The following TPM1 variants were observed in gnomAD, a reference collection of about 807,000 sequenced individuals.
TPM1 encodes the protein tropomyosin 1.
Under a neutral mutation model 42.9 loss-of-function variants are expected in TPM1, and 24 were observed. That is an observed-to-expected ratio of 0.56 (90% CI 0.41 to 0.79). The LOEUF (loss-of-function observed/expected upper bound fraction) is 0.79, where lower values mean the gene tolerates loss of function less well. Among genes scored for constraint, TPM1 ranks in the 30% least tolerant of loss-of-function variants. The pLI is 0.00. For synonymous variants in TPM1, 136 were observed against 130.1 expected (o/e 1.05, Z -0.31); for missense variants, 158 against 351.8 (o/e 0.45, Z 4.41).
At chr15:63,061,991 T>C in intron 6 of TPM1, 1 of 669,932 alleles carries the variant, frequency 1.5e-6, no homozygotes. Flanking sequence ...TCAATTTAAT[T>C]TAAACCAAGT....
At chr15:63,061,831 G>A (rs2035680210) in intron 6 of TPM1, 43 bp downstream of exon 6, 1 of 1,574,950 alleles carries the variant, frequency 6.3e-7, no homozygotes, top group African/African-American at 1.3e-5. Context: ...TCTTTTAAGA[G>A]CTGCTCAAAA....
intron 2 of TPM1, among the ~76,000 whole-genome samples, chr15:63,055,158 G>C (rs951896928): frequency 4.6e-5 from 7 of 152,118 alleles, no homozygotes; most frequent in Admixed American, 2.0e-4. Flanking sequence ...TTCCTAGCTG[G>C]GTCCATTTAC....
At chr15:63,062,105 T>G (rs1001735534) in intron 6 of TPM1, 110 bp from the exon 7 acceptor site, 2 of 953,634 alleles carry the variant, frequency 2.1e-6, no homozygotes, top group African/African-American at 1.6e-5. Context: ...TTCCATTACC[T>G]CCTAAGAGAT....
intron 2 of TPM1, chr15:63,045,406 C>T (rs2032177239): frequency 6.6e-6 from 1 of 152,186 alleles, no homozygotes; most frequent in Non-Finnish European, 1.5e-5. Flanking sequence ...TCTAAACTAC[C>T]TGGCTTTGGA....
intron 1 of TPM1, 32 bp from the exon 2 acceptor site, chr15:63,043,995 C>G (rs1596302757): frequency 6.2e-7 from 1 of 1,608,478 alleles, no homozygotes; most frequent in African/African-American, 1.3e-5. Context: ...CTGCACCCCC[C>G]TCCCTCCCTG....
At position 63,065,967 on chromosome 15, in the gene TPM1, A is replaced by G. The variant is rs374459540; in HGVS notation, c.*68A>G. The G allele has an allele frequency of 9.0e-4, 1,434 of 1,591,622 alleles. 3 individuals carry two copies. Among genetic ancestry groups the G allele is most frequent in the Non-Finnish European group, 1.2e-3 (1,372 of 1,169,022 alleles). ...GATGTCCCACCTCTCTGAGCTCTGC[A>G]TTTGTCTATTCTCCAGCTGACCCTG... is the stretch of plus-strand genomic sequence containing the variant. On this transcript the variant is annotated 3_prime_UTR_variant, in exon 10 of 10. Transcript: ENST00000403994.
At chr15:63,065,248 A>G in intron 9 of TPM1, 1 of 987,568 alleles carries the variant, frequency 1.0e-6, no homozygotes, top group Non-Finnish European at 1.2e-6. Context: ...AAACTTAAAC[A>G]TTAAACTTTT....
At position 63,065,576 on chromosome 15, in the gene TPM1, TGTG is replaced by T. The variant is rs774601182; in HGVS notation, c.852-316_852-314del. ...TCTAAGGTCTTTTTCAGTGCTAAAA[TGTG>T]GTGATTCTTTGGGAAAAACTTTTTG... On this transcript the variant is annotated intron_variant, in intron 9 of 9. Coordinates refer to ENST00000403994, the MANE Select transcript of TPM1 (RefSeq NM_001018005.2). 1.8e-4 allele frequency: 174 copies of T among 985,342 alleles called. 1 individual carries two copies. Among genetic ancestry groups the T allele is most frequent in the Middle Eastern group, 1.0e-3 (2 of 1,912 alleles). 61.0% of individuals were successfully genotyped at this position (985,342 alleles called of 1,614,324 possible). A position where few individuals can be genotyped will look rare whatever the true frequency, so the allele number is the denominator to read the frequency against.
rs1435481967 is a variant in TPM1, at chr15:63,048,843, G to GGCGCACCTT, written c.240+4692_240+4693insCGCACCTTG. The GGCGCACCTT allele has an allele frequency of 1.6e-5, 20 of 1,230,048 alleles. No individual in the cohort carries two copies. The African/African-American group carries it at 2.4e-4, about 15-fold the overall frequency. The allele number at this position is 1,230,048 out of a possible 1,614,324, so 76.2% of individuals were successfully genotyped here. ...CCTCCAGGGCGCACCTGGCGCACCTGGGCCAGCTGGCGGCGGGCTCTGGGG... is the reference window on the plus strand; with the variant it reads ...CCTCCAGGGCGCACCTGGCGCACCTGGCGCACCTTGGCCAGCTGGCGGCGGGCTCTGGGG... On this transcript the variant is annotated intron_variant, in intron 2 of 9. Transcript: ENST00000403994.
intron 9 of TPM1, 35 bp downstream of exon 9, chr15:63,064,177 G>A (rs755086377): frequency 6.2e-7 from 1 of 1,605,312 alleles, no homozygotes; most frequent in Non-Finnish European, 8.5e-7. Context: ...CTTACACCCT[G>A]CCCTCATGCT....
intron 9 of TPM1, 91 bp from the exon 10 acceptor site, chr15:63,065,805 G>A (rs373635067): frequency 2.1e-6 from 3 of 1,458,506 alleles, no homozygotes; most frequent in African/African-American, 2.8e-5. Flanking sequence ...TGTTTCAAGT[G>A]CTCTCATCTA....
intron 2 of TPM1, chr15:63,048,018 A>G (rs901330022): frequency 3.2e-6 from 1 of 312,190 alleles, no homozygotes; most frequent in Non-Finnish European, 6.2e-6. Flanking sequence ...TGCTTGGGTT[A>G]TAATCTTGCG....
downstream of TPM1, chr15:63,069,866 A>T: frequency 6.2e-7 from 1 of 1,614,060 alleles, no homozygotes; most frequent in Non-Finnish European, 8.5e-7. Context: ...GCTGACCTGT[A>T]CAGATCAACT....
intron 8 of TPM1, among the ~76,000 whole-genome samples, chr15:63,063,640 C>T (rs1191921091): frequency 6.6e-6 from 1 of 152,166 alleles, no homozygotes; most frequent in African/African-American, 2.4e-5. Context: ...ACTGCCCTTG[C>T]ATTTTTTTCC....
chr15:63,057,520 AGGAACTG>A (rs1304429476), intron 3 of TPM1, among the ~76,000 whole-genome samples: 4 of 152,260 alleles, frequency 2.6e-5, no homozygotes, highest in African/African-American at 9.6e-5. Flanking sequence ...GTGTAAATAA[AGGAACTG>A]TGGACTATCA....
rs1311868911 is a variant in TPM1, at chr15:63,051,798, T to C, written c.241-5187T>C. Among the ~76,000 whole-genome samples, 4 of 152,232 alleles carry C rather than the reference T, an allele frequency of 2.6e-5. No individual in the cohort carries two copies. In the East Asian group the frequency reaches 7.7e-4, roughly 29 times the overall value. ...CTTAATAACCTTAACTGGAATACTT[T>C]TTTAAAAAGTAAAAGTCACTGCCAT... is the stretch of plus-strand genomic sequence containing the variant. On this transcript the variant is annotated intron_variant, in intron 2 of 9. Coordinates refer to ENST00000403994, the MANE Select transcript of TPM1 (RefSeq NM_001018005.2).
At chr15:63,043,908 C>G (rs1006795368) in intron 1 of TPM1, 119 bp from the exon 2 acceptor site, 1 of 1,552,996 alleles carries the variant, frequency 6.4e-7, no homozygotes, top group East Asian at 2.4e-5. Context: ...CCCTGTCTTT[C>G]CCTCTGTCTC....
chr15:63,056,913 T>C (rs1596360118), intron 2 of TPM1, 72 bp from the exon 3 acceptor site: 1 of 1,605,926 alleles, frequency 6.2e-7, no homozygotes, highest in South Asian at 1.1e-5. Flanking sequence ...AGCATTGCAG[T>C]CCCAGCCATT....
At position 63,064,071 on chromosome 15, in the gene TPM1, G is replaced by T; in HGVS notation, c.780G>T (p.Leu260=). The T allele has an allele frequency of 6.2e-7, 1 of 1,614,002 alleles. No homozygotes were observed. The highest frequency in any genetic ancestry group is 8.5e-7 in the Non-Finnish European group (1 of 1,180,014). ...EKSIDDLEDE[L]YAQKLKYKAI... Reference sequence around the variant, plus strand: ...TCCACTTCCTGGTCATAGACGAGCTGTACGCTCAGAAACTGAAGTACAAAG... The same window carrying T: ...TCCACTTCCTGGTCATAGACGAGCTTTACGCTCAGAAACTGAAGTACAAAG... The change falls in exon 9 of 10, where the codon CTG becomes CTT. Residue 260 remains leucine, a synonymous_variant. Coordinates refer to ENST00000403994, the MANE Select transcript of TPM1 (RefSeq NM_001018005.2).
Sources: gnomAD v4.1 joint callset for allele counts (sites outside exome capture counted in the v4.1 genomes callset) on GRCh38, gnomAD v4.1.1 for gene constraint, MANE v1.5 for transcripts, NCBI Gene and HGNC (gene_info 2026-07-23, HGNC 2026-07-21) for gene names.